The following OSBPL10 variants were observed in gnomAD, a reference collection of about 807,000 sequenced individuals.
OSBPL10 encodes oxysterol-binding protein-related protein 10.
Under a neutral mutation model 81.7 loss-of-function variants are expected in OSBPL10, and 49 were observed. The observed-to-expected ratio is 0.60, with a 90% confidence interval of 0.48 to 0.76. The LOEUF (loss-of-function observed/expected upper bound fraction) is 0.76, where lower values mean the gene tolerates loss of function less well. Ranked by LOEUF, OSBPL10 falls within the 30% of genes least tolerant of loss-of-function variation. OSBPL10 has a pLI of 0.00. For synonymous variants in OSBPL10, 419 were observed against 383.6 expected, an observed-to-expected ratio of 1.09 and a Z score of -1.08; for missense variants, 923 against 987.8, an observed-to-expected ratio of 0.93 and a Z score of 0.88.
chr3:31,810,155 G>A (rs1055413994), intron 4 of OSBPL10, among the ~76,000 whole-genome samples: 3 of 152,052 alleles, frequency 2.0e-5, no homozygotes, highest in Non-Finnish European at 2.9e-5. Context: ...ACAGGCATGA[G>A]CCACCGCACC....
At chr3:31,814,991 A>G (rs1189633952) in intron 4 of OSBPL10, among the ~76,000 whole-genome samples, 4 of 152,174 alleles carry the variant, frequency 2.6e-5, no homozygotes, top group African/African-American at 9.7e-5. Context: ...TGAGAGTGTG[A>G]CAGTTTCCAG....
chr3:31,955,566 C>A (rs1043721281), intron 1 of OSBPL10, among the ~76,000 whole-genome samples: 1 of 152,182 alleles, frequency 6.6e-6, no homozygotes, highest in Admixed American at 6.5e-5. Context: ...GACTCCCTGT[C>A]GCTTCATTCT....
intron 4 of OSBPL10, among the ~76,000 whole-genome samples, chr3:31,812,822 A>AAG (rs905477418): frequency 1.3e-4 from 15 of 119,728 alleles, no homozygotes; most frequent in Non-Finnish European, 1.8e-4. Flanking sequence ...AAGAAAGAGA[A>AAG]AGAAAGAAAG....
chr3:31,883,359 C>T (rs1695642691), intron 1 of OSBPL10, among the ~76,000 whole-genome samples: 1 of 152,074 alleles, frequency 6.6e-6, no homozygotes, highest in African/African-American at 2.4e-5. Context: ...CCTGCCTCAG[C>T]CTCCCCAAGT....
chr3:32,027,535 T>C (rs575568558), intron 2 of OSBPL10, among the ~76,000 whole-genome samples: 10 of 152,390 alleles, frequency 6.6e-5, no homozygotes, highest in African/African-American at 2.4e-4. Context: ...TTCTTGATGT[T>C]GGAAATAAGT....
At chr3:31,837,318 AAATTATAT>A (rs1158022911) in intron 3 of OSBPL10, among the ~76,000 whole-genome samples, 7 of 97,524 alleles carry the variant, frequency 7.2e-5, no homozygotes, top group South Asian at 3.6e-4. Context: ...ACAGATCCCC[AAATTATAT>A]ATATATATAT....
chr3:31,732,131 C>A (rs1696990305), intron 6 of OSBPL10, among the ~76,000 whole-genome samples: 1 of 152,208 alleles, frequency 6.6e-6, no homozygotes, highest in African/African-American at 2.4e-5. Context: ...CCTTCTGATT[C>A]ACTTACACAT....
Position 31,683,867 on chromosome 3 carries a change from A to C in OSBPL10, c.1493T>G (p.Val498Gly). 1 of 1,614,070 alleles carries C rather than the reference A, an allele frequency of 6.2e-7. No individual in the cohort carries two copies. The highest frequency in any genetic ancestry group is 1.3e-5 in the African/African-American group (1 of 74,998). Reference sequence around the variant, plus strand: ...GCGGGAAGCAGTCCTCTTAGGCTTGACCCTGTCCTTGGGAACTTCCCAGGA... The same window carrying C: ...GCGGGAAGCAGTCCTCTTAGGCTTGCCCCTGTCCTTGGGAACTTCCCAGGA... ...HCSWEVPKDR[V>G]KPKRTASRSP... The change falls in exon 8 of 12, where the codon GTC becomes GGC. Residue 498 changes from valine (V) to glycine (G), a missense_variant. By Grantham distance (109) the Val-to-Gly change is moderately radical (BLOSUM62 -3). This residue lies in a region of OSBPL10 where 387 missense variants were observed against 436.3 expected (regional missense o/e 0.89). Coordinates refer to ENST00000396556, the MANE Select transcript of OSBPL10 (RefSeq NM_017784.5).
intron 4 of OSBPL10, among the ~76,000 whole-genome samples, chr3:31,762,271 C>T (rs927629507): frequency 1.3e-5 from 2 of 152,186 alleles, no homozygotes; most frequent in Non-Finnish European, 2.9e-5. Context: ...ATTTATCTTT[C>T]TCTTCTCACT....
At chr3:31,803,251 G>A (rs923225024) in intron 4 of OSBPL10, among the ~76,000 whole-genome samples, 13 of 152,188 alleles carry the variant, frequency 8.5e-5, no homozygotes, top group Admixed American at 4.6e-4. Context: ...CTTCTCCCCA[G>A]AGAGGCGCTG....
intron 2 of OSBPL10, among the ~76,000 whole-genome samples, chr3:32,010,213 G>A (rs1699240813): frequency 6.6e-6 from 1 of 152,016 alleles, no homozygotes; most frequent in Admixed American, 6.6e-5. Context: ...ACGCATAGTG[G>A]GGCCAGAGCC....
At chr3:31,812,007 T>C (rs1396854027) in intron 4 of OSBPL10, among the ~76,000 whole-genome samples, 4 of 152,190 alleles carry the variant, frequency 2.6e-5, no homozygotes, top group African/African-American at 9.6e-5. Flanking sequence ...GGCCAAGTTA[T>C]TATTTTTATT....
chr3:31,844,743 G>A (rs1035406321), intron 3 of OSBPL10, among the ~76,000 whole-genome samples: 6 of 152,144 alleles, frequency 3.9e-5, no homozygotes, highest in Non-Finnish European at 7.4e-5. Flanking sequence ...ACAACATAAC[G>A]AATGTACTAA....
chr3:31,662,537 A>T (rs952553354), intron 11 of OSBPL10: 1 of 1,001,092 alleles, frequency 1.0e-6, no homozygotes, highest in African/African-American at 1.7e-5. Context: ...TCCAGCAGGC[A>T]GTAGTCACAA....
chr3:31,802,339 T>G (rs946626364), intron 4 of OSBPL10, among the ~76,000 whole-genome samples: 2 of 150,494 alleles, frequency 1.3e-5, no homozygotes, highest in Non-Finnish European at 3.0e-5. Context: ...GGACAGATCA[T>G]CTGAGGTCAG....
chr3:31,986,820 C>G (rs962042691), intron 2 of OSBPL10, among the ~76,000 whole-genome samples: 3 of 151,938 alleles, frequency 2.0e-5, no homozygotes, highest in African/African-American at 7.3e-5. Context: ...GCCTGGGCAA[C>G]CTGGAGAGAC....
At chr3:31,731,677 T>C (rs1264204169) in intron 6 of OSBPL10, among the ~76,000 whole-genome samples, 1 of 152,056 alleles carries the variant, frequency 6.6e-6, no homozygotes, top group Non-Finnish European at 1.5e-5. Flanking sequence ...TTAGTAGAGA[T>C]GGGGTTTCAC....
At chr3:31,756,116 G>C (rs776739823) in intron 4 of OSBPL10, among the ~76,000 whole-genome samples, 3 of 152,198 alleles carry the variant, frequency 2.0e-5, no homozygotes, top group Non-Finnish European at 4.4e-5. Context: ...CAGGAAACCT[G>C]AGTTCAGAGA....
chr3:31,822,265 G>GA, intron 4 of OSBPL10: 1 of 152,222 alleles, frequency 6.6e-6, no homozygotes, highest in South Asian at 2.1e-4. Flanking sequence ...AGTCAACAAT[G>GA]AAAAAATGTT....
Sources: allele counts gnomAD v4.1 joint callset (sites outside exome capture counted in the v4.1 genomes callset), GRCh38; gene constraint gnomAD v4.1.1; regional missense constraint gnomAD v4.1.1; transcripts MANE v1.5; gene names NCBI Gene and HGNC (gene_info 2026-07-23, HGNC 2026-07-21).